The following DYNLT1 variants were observed in gnomAD, a reference collection of about 807,000 sequenced individuals.
DYNLT1 encodes the protein T-complex testis-specific protein 1 homolog.
A neutral mutation model predicts 19.6 loss-of-function variants in DYNLT1; 18 were observed. The observed-to-expected ratio is 0.92, with a 90% CI of 0.64 to 1.36. DYNLT1 has a LOEUF of 1.36. Among genes scored for constraint, DYNLT1 ranks in the 40% most tolerant of loss-of-function variants. DYNLT1 has a pLI of 0.00. For missense variants in DYNLT1, 137 were observed against 139.3 expected (o/e 0.98, Z 0.08); for synonymous variants, 56 against 44.0 (o/e 1.27, Z -1.07).
intron 2 of DYNLT1, among the ~76,000 whole-genome samples, chr6:158,639,356 C>T (rs1237732186): frequency 6.6e-6 from 1 of 152,178 alleles, no homozygotes; most frequent in African/African-American, 2.4e-5. Flanking sequence ...AGCAGTATTA[C>T]TAGACCTGGG....
At chr6:158,638,087 T>C (rs923353350) in intron 2 of DYNLT1, among the ~76,000 whole-genome samples, 193 bp from the exon 3 acceptor site, 1 of 152,212 alleles carries the variant, frequency 6.6e-6, no homozygotes, top group Non-Finnish European at 1.5e-5. Flanking sequence ...CAAAAATTCA[T>C]AGTCTGTCAA....
At chr6:158,638,439 C>G (rs1359159946) in intron 2 of DYNLT1, among the ~76,000 whole-genome samples, 1 of 152,086 alleles carries the variant, frequency 6.6e-6, no homozygotes, top group African/African-American at 2.4e-5. Context: ...TTTATTTTTA[C>G]TTTTCTGAGG....
At chr6:158,640,893 CACAAT>C (rs886198536) in intron 2 of DYNLT1, among the ~76,000 whole-genome samples, 6 of 152,194 alleles carry the variant, frequency 3.9e-5, no homozygotes, top group African/African-American at 1.4e-4. Context: ...TGATCAACAA[CACAAT>C]AAAGTGTGAA....
rs1435827202 is a variant in DYNLT1 at position 158,644,736 on chromosome 6, C to T, written c.-28G>A. 5 of 1,608,704 alleles carry T rather than the reference C, an allele frequency of 3.1e-6. No individual in the cohort carries two copies. The South Asian group carries it at 5.5e-5, about 18-fold the overall frequency. ...TTCCTCCGGCGCGTCCCCTCCGGCT[C>T]CCTGAGTGGCGCGGACTGCGCAGGC... On this transcript the variant is annotated 5_prime_UTR_variant, in exon 1 of 5. Transcript: ENST00000367089.
chr6:158,643,276 G>A (rs1410831954), intron 1 of DYNLT1, among the ~76,000 whole-genome samples: 1 of 152,122 alleles, frequency 6.6e-6, no homozygotes, highest in Non-Finnish European at 1.5e-5. Context: ...AAGGGGAAAG[G>A]CTTTTTTCTT....
At position 158,637,691 on chromosome 6, in the gene DYNLT1, G is replaced by C. The variant is rs754405362; in HGVS notation, c.193+80C>G. The C allele has an allele frequency of 1.9e-6, 3 of 1,610,426 alleles. No individual in the cohort carries two copies. In the African/African-American group the frequency reaches 4.0e-5, roughly 22 times the overall value. Reference sequence around the variant, plus strand: ...TTCCTTGAGTTGAGCCACGTTAGCTGTTGTTTCTGGTACTGGATGCCCCTC... The same window carrying C: ...TTCCTTGAGTTGAGCCACGTTAGCTCTTGTTTCTGGTACTGGATGCCCCTC... On this transcript the variant is annotated intron_variant, in intron 3 of 4. Coordinates refer to ENST00000367089, the MANE Select transcript of DYNLT1 (RefSeq NM_006519.4).
Position 158,636,811 on chromosome 6 carries a change from T to C in DYNLT1, c.*16A>G, listed in dbSNP as rs377082285. The C allele has an allele frequency of 4.0e-5, 65 of 1,606,180 alleles. 1 individual carries two copies. The highest frequency in any genetic ancestry group is 1.6e-4 in the East Asian group (7 of 44,758). The stretch of plus-strand genomic sequence containing the variant: ...ACTAGAGACAAAAGGAGAAAGGCCA[T>C]AGGCTGGACTGCAGGTCAAATAGAC... On this transcript the variant is annotated 3_prime_UTR_variant, in exon 5 of 5. Coordinates refer to ENST00000367089, the MANE Select transcript of DYNLT1 (RefSeq NM_006519.4).
In DYNLT1 at chr6:158,636,489, T is replaced by C; in HGVS notation, c.*338A>G. The stretch of plus-strand genomic sequence containing the variant: ...CACAACAGACTTTAGATTTGAATAA[T>C]TTATTCTAACAAAAGTATAAAGTAT... On this transcript the variant is annotated 3_prime_UTR_variant, in exon 5 of 5. Coordinates refer to ENST00000367089, the MANE Select transcript of DYNLT1 (RefSeq NM_006519.4). 1 of 270,208 alleles carries C rather than the reference T, an allele frequency of 3.7e-6. No individual in the cohort carries two copies. Among genetic ancestry groups the C allele is most frequent in the Non-Finnish European group, 7.3e-6 (1 of 136,400 alleles). 16.7% of individuals were successfully genotyped at this position (270,208 alleles called of 1,614,324 possible).
At chr6:158,644,145 G>A (rs1266554385) in intron 1 of DYNLT1, among the ~76,000 whole-genome samples, 3 of 152,052 alleles carry the variant, frequency 2.0e-5, no homozygotes, top group Non-Finnish European at 2.9e-5. Context: ...CAGCGTTGCA[G>A]AACCAGGTGA....
chr6:158,642,602 A>C (rs1787160414), intron 1 of DYNLT1: 1 of 152,068 alleles, frequency 6.6e-6, no homozygotes, highest in African/African-American at 2.4e-5. Context: ...GCCCGAAGCC[A>C]CCTCACTTGC....
intron 1 of DYNLT1, among the ~76,000 whole-genome samples, chr6:158,643,628 T>C (rs1008024624): frequency 6.6e-6 from 1 of 152,158 alleles, no homozygotes; most frequent in Non-Finnish European, 1.5e-5. Flanking sequence ...ATTACAGGCA[T>C]GCGCCACCAC....
chr6:158,639,446 A>G (rs1193825759), intron 2 of DYNLT1, among the ~76,000 whole-genome samples: 1 of 151,770 alleles, frequency 6.6e-6, no homozygotes, highest in Non-Finnish European at 1.5e-5. Flanking sequence ...TTGAAGGTAA[A>G]CCTCTCCCTC....
At chr6:158,641,210 C>T (rs987158819) in intron 2 of DYNLT1, 109 bp downstream of exon 2, 2 of 1,023,688 alleles carry the variant, frequency 2.0e-6, no homozygotes, top group African/African-American at 1.7e-5. Flanking sequence ...ATTTGAAACA[C>T]CAAAACACAC....
intron 2 of DYNLT1, among the ~76,000 whole-genome samples, chr6:158,639,226 C>T (rs977629517): frequency 6.6e-6 from 1 of 152,196 alleles, no homozygotes; most frequent in African/African-American, 2.4e-5. Context: ...CTCCCTGAGA[C>T]TCTTGAGTAG....
intron 2 of DYNLT1, among the ~76,000 whole-genome samples, chr6:158,640,414 C>T (rs1275303336): frequency 2.6e-5 from 4 of 152,066 alleles, no homozygotes; most frequent in African/African-American, 9.7e-5. Flanking sequence ...AGTATCTGTG[C>T]CCCATTTTAC....
At position 158,644,726 on chromosome 6, in the gene DYNLT1, C is replaced by A. The variant is rs2306751; in HGVS notation, c.-18G>T. ...TCTTCCATCTTTCCTCCGGCGCGTC[C>A]CCTCCGGCTCCCTGAGTGGCGCGGA... On this transcript the variant is annotated 5_prime_UTR_variant, in exon 1 of 5. Coordinates refer to ENST00000367089, the MANE Select transcript of DYNLT1 (RefSeq NM_006519.4). 5 of 1,609,244 alleles carry A rather than the reference C, an allele frequency of 3.1e-6. No homozygotes were observed. Among genetic ancestry groups the A allele is most frequent in the Admixed American group, 3.3e-5 (2 of 59,902 alleles).
At chr6:158,643,538 A>G (rs532488103) in intron 1 of DYNLT1, among the ~76,000 whole-genome samples, 9 of 152,128 alleles carry the variant, frequency 5.9e-5, no homozygotes, top group Non-Finnish European at 1.0e-4. Flanking sequence ...CTGGAGTGCA[A>G]TGGCGCGATC....
At chr6:158,636,965 G>A in intron 4 of DYNLT1, 68 bp from the exon 5 acceptor site, 2 of 1,573,984 alleles carry the variant, frequency 1.3e-6, no homozygotes, top group Non-Finnish European at 1.7e-6. Flanking sequence ...CTCACAATAA[G>A]GCCAACATTC....
intron 2 of DYNLT1, among the ~76,000 whole-genome samples, chr6:158,638,138 C>A (rs1562323738): frequency 6.6e-6 from 1 of 152,102 alleles, no homozygotes; most frequent in African/African-American, 2.4e-5. Context: ...ATTTCATGTT[C>A]ACTACTATTA....
Sources: allele counts gnomAD v4.1 joint callset (sites outside exome capture counted in the v4.1 genomes callset), GRCh38; gene constraint gnomAD v4.1.1; transcripts MANE v1.5; gene names NCBI Gene and HGNC (gene_info 2026-07-23, HGNC 2026-07-21).